TECPR2: variants seen among roughly 807,000 people sequenced by gnomAD.
TECPR2 encodes tectonin beta-propeller repeat-containing protein 2.
In TECPR2, 65 loss-of-function variants were observed where a neutral mutation model predicts 138.1. The observed-to-expected ratio is 0.47, with a 90% confidence interval of 0.39 to 0.58. The LOEUF (loss-of-function observed/expected upper bound fraction) is 0.58, where lower values mean the gene tolerates loss of function less well. Ranked by LOEUF, TECPR2 falls within the 20% of genes least tolerant of loss-of-function variation. TECPR2 has a pLI of 0.00. For missense variants in TECPR2, 1,553 were observed against 1,824.5 expected (o/e 0.85, Z 2.71); for synonymous variants, 746 against 749.8 (o/e 0.99, Z 0.08).
chr14:102,405,890 C>G (rs1294998810), intron 2 of TECPR2, among the ~76,000 whole-genome samples: 1 of 151,846 alleles, frequency 6.6e-6, no homozygotes, highest in Non-Finnish European at 1.5e-5. Flanking sequence ...CACGGATGAA[C>G]CTTGAAGATA....
chr14:102,477,554 T>G (rs1890790932), intron 17 of TECPR2, among the ~76,000 whole-genome samples: 2 of 146,600 alleles, frequency 1.4e-5, no homozygotes, highest in Admixed American at 6.7e-5. Flanking sequence ...AGAGCTGGTT[T>G]TTTTTTTTTT....
chr14:102,376,729 C>T lies in TECPR2; in HGVS notation c.8C>T (p.Ser3Leu), dbSNP rs760420809. The T allele has an allele frequency of 3.1e-6, 5 of 1,614,140 alleles. No individual in the cohort carries two copies. Among genetic ancestry groups the T allele is most frequent in the South Asian group, 2.2e-5 (2 of 91,072 alleles). MA[S>L]ISEPVTFREF... is the part of the protein sequence containing the mutation. The stretch of plus-strand genomic sequence containing the variant: ...TCTGTGGAAACCTTGGCCATGGCAT[C>T]GATATCAGAGCCTGTTACATTCAGA... The change falls in exon 2 of 20, where the codon TCG becomes TTG. Residue 3 changes from serine (S) to leucine (L), a missense_variant. Coordinates refer to ENST00000359520, the MANE Select transcript of TECPR2 (RefSeq NM_014844.5).
At chr14:102,412,280 C>T (rs1381296353) in intron 4 of TECPR2, among the ~76,000 whole-genome samples, 1 of 152,016 alleles carries the variant, frequency 6.6e-6, no homozygotes, top group South Asian at 2.1e-4. Flanking sequence ...TATGGGTGCA[C>T]ACCACCATGC....
In TECPR2 at chr14:102,499,969, G is replaced by C. The variant is rs1034915581; in HGVS notation, c.*1712G>C. The C allele has an allele frequency of 6.5e-6, 1 of 152,866 alleles. No homozygotes were observed. Among genetic ancestry groups the C allele is most frequent in the African/African-American group, 2.4e-5 (1 of 41,454 alleles). 9.5% of individuals were successfully genotyped at this position (152,866 alleles called of 1,614,324 possible). ...GTTGGTGGCAGCAGAGGCAGCCCCA[G>C]GCCGGGCTGCATCTCTCTGTGTCTG... On this transcript the variant is annotated 3_prime_UTR_variant, in exon 20 of 20. Transcript: ENST00000359520.
intron 9 of TECPR2, among the ~76,000 whole-genome samples, chr14:102,435,655 C>T (rs903904197): frequency 6.6e-6 from 1 of 152,180 alleles, no homozygotes; most frequent in Non-Finnish European, 1.5e-5. Context: ...TCCAAGGAAC[C>T]ATCTGCAAGA....
Position 102,438,265 on chromosome 14 carries a change from C to T in TECPR2, c.2578+60C>T. 7 of 1,510,180 alleles carry T rather than the reference C, an allele frequency of 4.6e-6. No individual in the cohort carries two copies. In the South Asian group the frequency reaches 8.5e-5, roughly 18 times the overall value. The allele number at this position is 1,510,180 out of a possible 1,614,324, so 93.5% of individuals were successfully genotyped here. ...TCCCGCTCGCCGCTCCTGCTCCCCG[C>T]CCCCGGGGTGCAGACATCTTAGTAC... On this transcript the variant is annotated intron_variant, in intron 10 of 19. Coordinates refer to ENST00000359520, the MANE Select transcript of TECPR2 (RefSeq NM_014844.5).
intron 17 of TECPR2, among the ~76,000 whole-genome samples, chr14:102,480,795 C>T (rs1056213878): frequency 6.8e-6 from 1 of 146,816 alleles, no homozygotes; most frequent in Non-Finnish European, 1.5e-5. Flanking sequence ...GCTGGGATTG[C>T]GGGCGTGTGC....
intron 2 of TECPR2, among the ~76,000 whole-genome samples, chr14:102,384,038 A>G (rs370320270): frequency 2.0e-5 from 3 of 150,616 alleles, no homozygotes; most frequent in East Asian, 2.0e-4. Context: ...TTCTGCCTCA[A>G]TCTCCTGAGT....
intron 17 of TECPR2, among the ~76,000 whole-genome samples, chr14:102,484,673 C>G (rs896724972): frequency 6.6e-6 from 1 of 151,972 alleles, no homozygotes; most frequent in African/African-American, 2.4e-5. Flanking sequence ...AACCTTTTTT[C>G]TTTGAGATGG....
chr14:102,450,162 T>C (rs1295644253), intron 14 of TECPR2, among the ~76,000 whole-genome samples: 2 of 152,284 alleles, frequency 1.3e-5, no homozygotes, highest in Middle Eastern at 3.4e-3. Context: ...ACATTTTAAA[T>C]GAAAAAATCC....
At chr14:102,428,226 T>G (rs1198072295) in intron 6 of TECPR2, 24 bp from the exon 7 acceptor site, 60 of 1,145,254 alleles carry the variant, frequency 5.2e-5, no homozygotes, top group East Asian at 1.8e-4. Context: ...TTTTTTGTTT[T>G]TTTTTTTTTT....
chr14:102,370,886 G>T (rs960529110), intron 1 of TECPR2, among the ~76,000 whole-genome samples: 1 of 152,128 alleles, frequency 6.6e-6, no homozygotes, highest in Non-Finnish European at 1.5e-5. Flanking sequence ...GAGAGGAGAG[G>T]AGGAGGGATC....
chr14:102,430,194 G>A (rs1053670198), intron 7 of TECPR2, among the ~76,000 whole-genome samples: 1 of 152,022 alleles, frequency 6.6e-6, no homozygotes, highest in Non-Finnish European at 1.5e-5. Flanking sequence ...GGCTGGTCTC[G>A]AACTCCTGAG....
chr14:102,479,857 G>A (rs984132973), intron 17 of TECPR2, among the ~76,000 whole-genome samples: 2 of 152,248 alleles, frequency 1.3e-5, no homozygotes, highest in African/African-American at 4.8e-5. Context: ...CAGGTGCCTT[G>A]GAGAGGCATT....
At chr14:102,481,732 C>A in intron 17 of TECPR2, among the ~76,000 whole-genome samples, 1 of 152,200 alleles carries the variant, frequency 6.6e-6, no homozygotes, top group East Asian at 1.9e-4. Context: ...CCTTTCAGTT[C>A]TTTTCGCTGC....
In TECPR2 at chr14:102,450,603, T is replaced by A. The variant is rs774314281; in HGVS notation, c.3360T>A (p.Ala1120=). 49 of 1,614,098 alleles carry A rather than the reference T, an allele frequency of 3.0e-5. No individual in the cohort carries two copies. Among genetic ancestry groups the A allele is most frequent in the Non-Finnish European group, 4.0e-5 (47 of 1,180,042 alleles). ...TGGTTCCCCGTGGGACAGCTTCTGC[T>A]ACAAAATGGGCCTTTGTGTTGGCTT... ...NHVVPRGTAS[A]TKWAFVLASA... Residue 1120 remains alanine, a synonymous_variant, in exon 15 of 20, where the codon GCT becomes GCA. Coordinates refer to ENST00000359520, the MANE Select transcript of TECPR2 (RefSeq NM_014844.5).
chr14:102,493,525 A>T (rs1173145836), intron 17 of TECPR2, among the ~76,000 whole-genome samples: 1 of 152,222 alleles, frequency 6.6e-6, no homozygotes, highest in Non-Finnish European at 1.5e-5. Context: ...ATGGAAATGG[A>T]TGTGATGTAT....
At chr14:102,380,180 A>G (rs990321459) in intron 2 of TECPR2, among the ~76,000 whole-genome samples, 1 of 151,246 alleles carries the variant, frequency 6.6e-6, no homozygotes, top group African/African-American at 2.4e-5. Context: ...AAATCCATGC[A>G]CAGAGGCACC....
In TECPR2 at chr14:102,414,634, AGGG is replaced by A; in HGVS notation, c.481_483del (p.Gly161del). The stretch of plus-strand genomic sequence containing the variant: ...GAGGTGTAACCAGACTTTCTCTGCC[AGGG>A]GCTCTGTAACTCCCAGCTGGTGTTG... On this transcript the variant is annotated splice_acceptor_variant and coding_sequence_variant, in exon 5 of 20. Transcript: ENST00000359520. LOFTEE classifies it high-confidence loss of function. 6.2e-7 allele frequency: 1 copy of A among 1,614,120 alleles called. No individual in the cohort carries two copies. The highest frequency in any genetic ancestry group is 8.5e-7 in the Non-Finnish European group (1 of 1,179,982).
Sources: allele counts gnomAD v4.1 joint callset (sites outside exome capture counted in the v4.1 genomes callset), GRCh38; gene constraint gnomAD v4.1.1; transcripts MANE v1.5; gene names NCBI Gene and HGNC (gene_info 2026-07-23, HGNC 2026-07-21).